PSEN1: variants seen among roughly 807,000 people sequenced by gnomAD.
The protein encoded by PSEN1 is presenilin 1, also known as presenilin-1.
Under a neutral mutation model 53.5 loss-of-function variants are expected in PSEN1, and 15 were observed. The observed-to-expected ratio is 0.28, with a 90% confidence interval of 0.19 to 0.43. The LOEUF (loss-of-function observed/expected upper bound fraction) is 0.43. Among genes scored for constraint, PSEN1 ranks in the 20% least tolerant of loss-of-function variants. The pLI is 1.00. For missense variants in PSEN1, 387 were observed against 571.2 expected (o/e 0.68, Z 3.29); for synonymous variants, 208 against 209.8 (o/e 0.99, Z 0.08).
At chr14:73,215,863 T>G (rs902910384) in intron 10 of PSEN1, among the ~76,000 whole-genome samples, 1 of 152,184 alleles carries the variant, frequency 6.6e-6, no homozygotes, top group Non-Finnish European at 1.5e-5. Flanking sequence ...TTCAGACTGG[T>G]ACAGCCAGTG....
chr14:73,148,806 G>T (rs1166511609), intron 3 of PSEN1, among the ~76,000 whole-genome samples: 2 of 152,148 alleles, frequency 1.3e-5, no homozygotes, highest in Admixed American at 1.3e-4. Flanking sequence ...GGTGGCAGGT[G>T]CCTGTAATCC....
chr14:73,156,767 A>G (rs1041808725), intron 3 of PSEN1, among the ~76,000 whole-genome samples: 1 of 151,538 alleles, frequency 6.6e-6, no homozygotes, highest in Non-Finnish European at 1.5e-5. Flanking sequence ...GGTTCACGCC[A>G]TTCTCCTGCC....
At chr14:73,147,614 G>A (rs370900918) in intron 1 of PSEN1, 181 bp from the exon 2 acceptor site, 1 of 229,440 alleles carries the variant, frequency 4.4e-6, no homozygotes, top group Non-Finnish European at 8.7e-6. Context: ...TGTCTCAGGC[G>A]GTTCTACTTA....
At chr14:73,161,863 G>C (rs1226076927) in intron 3 of PSEN1, among the ~76,000 whole-genome samples, 1 of 151,978 alleles carries the variant, frequency 6.6e-6, no homozygotes, top group Non-Finnish European at 1.5e-5. Flanking sequence ...CAGCGCAGTG[G>C]CTGTTTATAG....
At chr14:73,190,706 C>T (rs1898684480) in intron 6 of PSEN1, among the ~76,000 whole-genome samples, 1 of 152,012 alleles carries the variant, frequency 6.6e-6, no homozygotes, top group African/African-American at 2.4e-5. Context: ...GGCAACATAG[C>T]AAGACCCCAT....
At chr14:73,191,398 AGT>A (rs145353205) in intron 6 of PSEN1, among the ~76,000 whole-genome samples, 3 of 151,764 alleles carry the variant, frequency 2.0e-5, no homozygotes, top group South Asian at 4.1e-4. Context: ...TGTATGTATA[AGT>A]GTGTGTGTGT....
At chr14:73,152,573 C>G (rs1022390777) in intron 3 of PSEN1, among the ~76,000 whole-genome samples, 1 of 151,720 alleles carries the variant, frequency 6.6e-6, no homozygotes, top group African/African-American at 2.4e-5. Flanking sequence ...TGCCACTGCA[C>G]CCCAGTGCAG....
rs177418 is a variant in PSEN1 at position 73,202,628 on chromosome 14, A to G, written c.869-3758A>G. On this transcript the variant is annotated intron_variant, in intron 8 of 11. Coordinates refer to ENST00000324501, the MANE Select transcript of PSEN1 (RefSeq NM_000021.4). ...GCTGGGACTCTAGGCGCCCGCCACC[A>G]TGCCTGGCTAATTTTTTGTATTTTT... is the stretch of plus-strand genomic sequence containing the variant. Among the ~76,000 whole-genome samples the G allele has an allele frequency of 8.3e-3, 1,252 of 149,980 alleles. 20 individuals carry two copies. The highest frequency in any genetic ancestry group is 0.029 in the African/African-American group (1,202 of 40,858).
intron 3 of PSEN1, among the ~76,000 whole-genome samples, chr14:73,159,491 T>C (rs1347732871): frequency 6.6e-6 from 1 of 152,238 alleles, no homozygotes; most frequent in African/African-American, 2.4e-5. Flanking sequence ...GTGATCCTTT[T>C]GAAGTTGATT....
intron 6 of PSEN1, 99 bp downstream of exon 6, chr14:73,187,019 A>G: frequency 1.0e-6 from 1 of 995,230 alleles, no homozygotes; most frequent in South Asian, 1.3e-5. Flanking sequence ...AATTACTCTG[A>G]AGTTTTAATT....
intron 3 of PSEN1, among the ~76,000 whole-genome samples, chr14:73,162,576 T>G (rs1415163607): frequency 1.3e-5 from 2 of 151,700 alleles, no homozygotes; most frequent in Non-Finnish European, 2.9e-5. Context: ...GGAGGATTGC[T>G]TGAGCCTAGG....
chr14:73,184,852 G>A (rs1327646548), intron 5 of PSEN1, among the ~76,000 whole-genome samples: 8 of 150,592 alleles, frequency 5.3e-5, no homozygotes, highest in Non-Finnish European at 1.2e-4. Context: ...TCCCAGACGG[G>A]GCGGCTGCCG....
intron 3 of PSEN1, among the ~76,000 whole-genome samples, chr14:73,157,786 T>A (rs1363361759): frequency 3.9e-5 from 6 of 152,026 alleles, no homozygotes; most frequent in Non-Finnish European, 8.8e-5. Flanking sequence ...GGGCGATGAC[T>A]TGAGGCCACC....
At chr14:73,147,932 A>G (rs753444183) in intron 2 of PSEN1, 35 bp from the exon 3 acceptor site, 8 of 921,526 alleles carry the variant, frequency 8.7e-6, no homozygotes, top group Non-Finnish European at 1.4e-5. Flanking sequence ...GTATAATTGT[A>G]GTGCACAAAG....
At chr14:73,163,676 C>T (rs1194175394) in intron 3 of PSEN1, among the ~76,000 whole-genome samples, 1 of 152,172 alleles carries the variant, frequency 6.6e-6, no homozygotes, top group Admixed American at 6.5e-5. Flanking sequence ...AATTCTCTCT[C>T]TACCAGGAGG....
chr14:73,187,652 C>G (rs765802323), intron 6 of PSEN1, among the ~76,000 whole-genome samples: 2 of 152,130 alleles, frequency 1.3e-5, no homozygotes, highest in Non-Finnish European at 2.9e-5. Flanking sequence ...CAGAAAGTTA[C>G]TGAAGAAGTT....
At chr14:73,211,643 G>T in intron 9 of PSEN1, 126 bp from the exon 10 acceptor site, 1 of 952,874 alleles carries the variant, frequency 1.0e-6, no homozygotes, top group Non-Finnish European at 1.6e-6. Context: ...CACTGCTACA[G>T]CCCATGCTTT....
At chr14:73,195,997 T>A (rs946727046) in intron 7 of PSEN1, among the ~76,000 whole-genome samples, 4 of 152,164 alleles carry the variant, frequency 2.6e-5, no homozygotes, top group African/African-American at 9.7e-5. Context: ...CCATCAACCC[T>A]CCATTCTGTC....
intron 3 of PSEN1, among the ~76,000 whole-genome samples, chr14:73,161,638 C>T (rs1273255609): frequency 6.6e-6 from 1 of 152,174 alleles, no homozygotes; most frequent in Non-Finnish European, 1.5e-5. Context: ...GTTGTGCACA[C>T]AGTGCTTAAT....
Sources: allele counts gnomAD v4.1 joint callset (sites outside exome capture counted in the v4.1 genomes callset), GRCh38; gene constraint gnomAD v4.1.1; transcripts MANE v1.5; gene names NCBI Gene and HGNC (gene_info 2026-07-23, HGNC 2026-07-21).